NOTCH2NLC: variants seen among roughly 807,000 people sequenced by gnomAD.
NOTCH2NLC encodes notch homolog 2 N-terminal-like protein C.
In NOTCH2NLC, 4 loss-of-function variants were observed where a neutral mutation model predicts 17.7. The observed-to-expected ratio is 0.23, with a 90% CI of 0.11 to 0.52. The LOEUF is 0.52. Among genes scored for constraint, NOTCH2NLC ranks in the 20% least tolerant of loss-of-function variants. NOTCH2NLC has a pLI of 0.96. For synonymous variants in NOTCH2NLC, 18 were observed against 86.0 expected (o/e 0.21, Z 4.38); for missense variants, 57 against 207.2 (o/e 0.28, Z 4.45).
rs1465799648 is a variant in NOTCH2NLC at position 149,466,160 on chromosome 1, C to T, written c.*2007C>T. ...AAAACTTTTCGTTAAATGCTTTAAGCTGTTTGGGTTAAAAATATATGTTCA... is the reference window on the plus strand; with the variant it reads ...AAAACTTTTCGTTAAATGCTTTAAGTTGTTTGGGTTAAAAATATATGTTCA... On this transcript the variant is annotated 3_prime_UTR_variant, in exon 5 of 5. Transcript: ENST00000650865. 3 of 111,542 alleles carry T rather than the reference C, an allele frequency of 2.7e-5. No homozygotes were observed. Among genetic ancestry groups the T allele is most frequent in the Admixed American group, 9.8e-5 (1 of 10,176 alleles). 6.9% of individuals were successfully genotyped at this position (111,542 alleles called of 1,614,324 possible).
Position 149,471,832 on chromosome 1 carries a change from C to T in NOTCH2NLC, c.*7679C>T, listed in dbSNP as rs1384410376. 7.6e-6 allele frequency among the ~76,000 whole-genome samples: 1 copy of T among 130,918 alleles called. No homozygotes were observed. Among genetic ancestry groups the T allele is most frequent in the Admixed American group, 8.1e-5 (1 of 12,332 alleles). 85.9% of individuals were successfully genotyped at this position (130,918 alleles called of 152,430 possible). On this transcript the variant is annotated 3_prime_UTR_variant, in exon 5 of 5. Coordinates refer to ENST00000650865, the MANE Select transcript of NOTCH2NLC (RefSeq NM_001364013.2). Reference sequence around the variant, plus strand: ...AGTAATAAAGCAAGGTGTCTTTCCACATCTCCATGCCTTGTATTTTCATTA... The same window carrying T: ...AGTAATAAAGCAAGGTGTCTTTCCATATCTCCATGCCTTGTATTTTCATTA...
At chr1:149,414,889 TAAA>T (rs1247476508) in intron 1 of NOTCH2NLC, among the ~76,000 whole-genome samples, 1 of 141,018 alleles carries the variant, frequency 7.1e-6, no homozygotes, top group Non-Finnish European at 1.6e-5. Flanking sequence ...AATTTTCAAT[TAAA>T]AAACTGTATC....
At chr1:149,414,713 C>T (rs1315635541) in intron 1 of NOTCH2NLC, among the ~76,000 whole-genome samples, 2 of 150,988 alleles carry the variant, frequency 1.3e-5, no homozygotes, top group Non-Finnish European at 3.0e-5. Context: ...AGTGGATGGT[C>T]TTACACCTCC....
chr1:149,435,474 T>A (rs1265266785), intron 2 of NOTCH2NLC, among the ~76,000 whole-genome samples: 2 of 149,156 alleles, frequency 1.3e-5, no homozygotes, highest in South Asian at 2.2e-4. Context: ...ATGACACAAA[T>A]CTTAGTCATG....
rs1197170882 is a variant in NOTCH2NLC at position 149,399,236 on chromosome 1, CT to C, written c.135+8323del. On this transcript the variant is annotated intron_variant, in intron 1 of 4. Coordinates refer to ENST00000650865, the MANE Select transcript of NOTCH2NLC (RefSeq NM_001364013.2). ...CTTTTTCATCTCTTTTTATTTTCAT[CT>C]TTTTTTTTGTGAGAAGATTCTGGAA... Among the ~76,000 whole-genome samples the C allele has an allele frequency of 1.7e-4, 25 of 150,450 alleles. 1 individual carries two copies. Among genetic ancestry groups the C allele is most frequent in the Middle Eastern group, 3.4e-3 (1 of 294 alleles).
chr1:149,433,932 A>T (rs1296840125), intron 2 of NOTCH2NLC, among the ~76,000 whole-genome samples: 1 of 148,852 alleles, frequency 6.7e-6, no homozygotes, highest in Non-Finnish European at 1.5e-5. Context: ...TGAGCGACAG[A>T]GTGAGACTGT....
rs1156493920 is a variant in NOTCH2NLC at position 149,408,655 on chromosome 1, A to G, written c.135+17733A>G. ...AATTTTAACTCTGCCAAATGTTCAC[A>G]GGGAAAGAAAAATTAACAAACTCAC... On this transcript the variant is annotated intron_variant, in intron 1 of 4. Coordinates refer to ENST00000650865, the MANE Select transcript of NOTCH2NLC (RefSeq NM_001364013.2). 6.6e-5 allele frequency among the ~76,000 whole-genome samples: 10 copies of G among 151,332 alleles called. No individual in the cohort carries two copies. The East Asian group carries it at 7.8e-4, about 12-fold the overall frequency.
chr1:149,436,946 C>A (rs1174422585), intron 2 of NOTCH2NLC, among the ~76,000 whole-genome samples: 7 of 124,258 alleles, frequency 5.6e-5, no homozygotes, highest in Admixed American at 4.8e-4. Context: ...TTTATTAATT[C>A]AAGAGTTATT....
At chr1:149,398,308 G>T (rs2084220478) in intron 1 of NOTCH2NLC, among the ~76,000 whole-genome samples, 6 of 149,626 alleles carry the variant, frequency 4.0e-5, no homozygotes, top group Admixed American at 2.7e-4. Flanking sequence ...ACATGTTGTT[G>T]TGTCTATTAT....
rs1237070214 is a variant in NOTCH2NLC, at chr1:149,463,332, T to C, written c.470-159T>C. Reference sequence around the variant, plus strand: ...TGGAGAGTTACTGGAGAGGGCTCTGTGTCAGATGACCTTGAGGAGGCTCTG... The same window carrying C: ...TGGAGAGTTACTGGAGAGGGCTCTGCGTCAGATGACCTTGAGGAGGCTCTG... On this transcript the variant is annotated intron_variant, in intron 3 of 4. Transcript: ENST00000650865. 5.3e-5 allele frequency among the ~76,000 whole-genome samples: 8 copies of C among 150,472 alleles called. No homozygotes were observed. In the East Asian group the frequency reaches 1.6e-3, roughly 30 times the overall value.
At chr1:149,429,789 C>T (rs1189602107) in intron 1 of NOTCH2NLC, among the ~76,000 whole-genome samples, 1 of 150,714 alleles carries the variant, frequency 6.6e-6, no homozygotes, top group Non-Finnish European at 1.5e-5. Flanking sequence ...TGATCTTGCA[C>T]AATTTATGCA....
chr1:149,454,650 A>G lies in NOTCH2NLC; in HGVS notation c.210-668A>G, dbSNP rs1196291325. Among the ~76,000 whole-genome samples the G allele has an allele frequency of 1.5e-3, 224 of 151,352 alleles. 7 individuals are homozygous for G. The highest frequency in any genetic ancestry group is 0.01 in the Middle Eastern group (3 of 290). On this transcript the variant is annotated intron_variant, in intron 2 of 4. Coordinates refer to ENST00000650865, the MANE Select transcript of NOTCH2NLC (RefSeq NM_001364013.2). ...TTTGGTTAAAAATGCCTACTTAAAT[A>G]TTAACAGATTTTTAAATATCCCTTT...
chr1:149,398,682 A>G (rs2084223574), intron 1 of NOTCH2NLC, among the ~76,000 whole-genome samples: 1 of 151,182 alleles, frequency 6.6e-6, no homozygotes, highest in African/African-American at 2.4e-5. Context: ...CCAGCCAGCT[A>G]CGTCGCTCCA....
intron 1 of NOTCH2NLC, among the ~76,000 whole-genome samples, chr1:149,417,229 C>T (rs1460516730): frequency 6.7e-6 from 1 of 148,196 alleles, no homozygotes; most frequent in East Asian, 2.0e-4. Context: ...CCTGCCTCAG[C>T]CTCCCAAGTA....
Position 149,390,802 on chromosome 1 carries a change from A to AGGCAGCGGCGGCGGCGGCGGC in NOTCH2NLC, c.18_19insAGCGGCGGCGGCGGCGGCGGC (p.Gly6_Gly7insSerGlyGlyGlyGlyGlyGly). ...ACCCCCTCCCCATGTGGATCTGCCCAGGCGGCGGCGGCGGCGGCGGCGGCG... is the reference window on the plus strand; with the variant it reads ...ACCCCCTCCCCATGTGGATCTGCCCAGGCAGCGGCGGCGGCGGCGGCGGCGGCGGCGGCGGCGGCGGCGGCG... On this transcript the variant is annotated inframe_insertion, in exon 1 of 5. Coordinates refer to ENST00000650865, the MANE Select transcript of NOTCH2NLC (RefSeq NM_001364013.2). 1 of 948,690 alleles carries AGGCAGCGGCGGCGGCGGCGGC rather than the reference A, an allele frequency of 1.1e-6. No homozygotes were observed. The highest frequency in any genetic ancestry group is 1.3e-6 in the Non-Finnish European group (1 of 748,852). The allele number at this position is 948,690 out of a possible 1,614,324, so 58.8% of individuals were successfully genotyped here.
rs1362623088 is a variant in NOTCH2NLC at position 149,460,963 on chromosome 1, C to CT, written c.470-2525dup. On this transcript the variant is annotated intron_variant, in intron 3 of 4. Coordinates refer to ENST00000650865, the MANE Select transcript of NOTCH2NLC (RefSeq NM_001364013.2). Reference sequence around the variant, plus strand: ...TCTTTCCCTCTCTCTTTCTGTCTTTCTTTCTTCTCACTCTGTTGCTTAGTA... The same window carrying CT: ...TCTTTCCCTCTCTCTTTCTGTCTTTCTTTTCTTCTCACTCTGTTGCTTAGTA... 2.8e-5 allele frequency among the ~76,000 whole-genome samples: 4 copies of CT among 141,184 alleles called. 1 individual carries two copies. Among genetic ancestry groups the CT allele is most frequent in the Non-Finnish European group, 6.2e-5 (4 of 64,646 alleles). 92.6% of individuals were successfully genotyped at this position (141,184 alleles called of 152,430 possible). A position where few individuals can be genotyped will look rare whatever the true frequency, so the allele number is the denominator to read the frequency against.
intron 1 of NOTCH2NLC, among the ~76,000 whole-genome samples, chr1:149,417,227 A>G (rs2084341067): frequency 7.0e-6 from 1 of 142,152 alleles, no homozygotes; most frequent in East Asian, 2.2e-4. Flanking sequence ...CTCCTGCCTC[A>G]GCCTCCCAAG....
At chr1:149,462,897 A>G (rs1445480331) in intron 3 of NOTCH2NLC, among the ~76,000 whole-genome samples, 21 of 132,556 alleles carry the variant, frequency 1.6e-4, no homozygotes, top group Admixed American at 5.8e-4. Context: ...GTGCAGTGGT[A>G]CAATCTCGGC....
At chr1:149,461,816 G>A (rs1440640070) in intron 3 of NOTCH2NLC, among the ~76,000 whole-genome samples, 1 of 149,182 alleles carries the variant, frequency 6.7e-6, no homozygotes, top group Non-Finnish European at 1.5e-5. Flanking sequence ...AAAAGGATGA[G>A]TTCATGTCCT....
Sources: allele counts gnomAD v4.1 joint callset (sites outside exome capture counted in the v4.1 genomes callset), GRCh38; gene constraint gnomAD v4.1.1; transcripts MANE v1.5; gene names NCBI Gene and HGNC (gene_info 2026-07-23, HGNC 2026-07-21).